UBR1: variants seen among roughly 807,000 people sequenced by gnomAD.
UBR1 encodes E3 ubiquitin-protein ligase UBR1.
Under a neutral mutation model 242.1 loss-of-function variants are expected in UBR1, and 102 were observed. That is an observed-to-expected ratio of 0.42 (90% CI 0.36 to 0.50). UBR1 has a LOEUF of 0.50. Ranked by LOEUF, UBR1 falls within the 20% of genes least tolerant of loss-of-function variation. The probability of loss-of-function intolerance (pLI) is 0.01; values close to 1 mark genes in which losing one functional copy is unlikely to be tolerated. For missense variants in UBR1, 1,772 were observed against 2,101.8 expected (o/e 0.84, Z 3.07); for synonymous variants, 675 against 684.8 (o/e 0.99, Z 0.22).
Position 43,024,822 on chromosome 15 carries a change from A to C in UBR1, c.2739+7T>G. 6.2e-7 allele frequency: 1 copy of C among 1,614,152 alleles called. No individual in the cohort carries two copies. Among genetic ancestry groups the C allele is most frequent in the Non-Finnish European group, 8.5e-7 (1 of 1,180,002 alleles). ...TGATGTAGAGAAAATATTTCAGGTA[A>C]ACAAACCATTTGGAGCATCCCTTCG... On this transcript the variant is annotated splice_region_variant and intron_variant, in intron 25 of 46. Transcript: ENST00000290650.
At chr15:42,981,033 CCT>C (rs372862849) in intron 37 of UBR1, among the ~76,000 whole-genome samples, 42 of 152,196 alleles carry the variant, frequency 2.8e-4, no homozygotes, top group African/African-American at 1.0e-3. Context: ...AAATCTTGCC[CCT>C]GACCCAGCCC....
At chr15:43,067,423 C>T (rs2033768412) in intron 6 of UBR1, among the ~76,000 whole-genome samples, 1 of 152,134 alleles carries the variant, frequency 6.6e-6, no homozygotes, top group Non-Finnish European at 1.5e-5. Flanking sequence ...CACCCAAGGG[C>T]AGGGATGAGG....
At chr15:43,043,596 G>A (rs915644462) in intron 14 of UBR1, among the ~76,000 whole-genome samples, 9 of 152,054 alleles carry the variant, frequency 5.9e-5, no homozygotes, top group Admixed American at 3.9e-4. Flanking sequence ...GACTACAGGC[G>A]CGTGCCACCA....
At chr15:43,036,075 A>G in intron 19 of UBR1, 103 bp downstream of exon 19, 1 of 1,072,466 alleles carries the variant, frequency 9.3e-7, no homozygotes, top group East Asian at 2.6e-5. Flanking sequence ...AACTTAAAGT[A>G]TAATTTTAAA....
intron 1 of UBR1, among the ~76,000 whole-genome samples, chr15:43,089,212 G>C (rs2034078029): frequency 6.6e-6 from 1 of 150,882 alleles, no homozygotes; most frequent in African/African-American, 2.4e-5. Context: ...AATGATGCTG[G>C]CTGGGTGAGG....
At chr15:43,068,592 T>C (rs748530402) in intron 5 of UBR1, among the ~76,000 whole-genome samples, 8 of 151,900 alleles carry the variant, frequency 5.3e-5, no homozygotes, top group Admixed American at 1.3e-4. Context: ...CTTTCAAAAG[T>C]CTCAGTTCAG....
At chr15:43,004,412 C>T (rs1212406981) in intron 30 of UBR1, among the ~76,000 whole-genome samples, 1 of 152,096 alleles carries the variant, frequency 6.6e-6, no homozygotes. Context: ...CCCTCTGATG[C>T]CACCAAAGTT....
Position 43,015,794 on chromosome 15 carries a change from C to A in UBR1, c.3103G>T (p.Ala1035Ser). The A allele has an allele frequency of 6.2e-7, 1 of 1,614,160 alleles. No individual in the cohort carries two copies. Among genetic ancestry groups the A allele is most frequent in the Non-Finnish European group, 8.5e-7 (1 of 1,180,032 alleles). ...AARLHRQKIM[A>S]QMSALQKNFI... ...TTTTTCTGTAAGGCAGACATCTGAG[C>A]CATGATCTTCTGGCGATGTAGCCTA... The change falls in exon 29 of 47, where the codon GCT (alanine) becomes TCT (serine). Residue 1035 changes from alanine to serine, a missense_variant. Ala to Ser is a moderately conservative substitution (Grantham distance 99). This residue lies in a region of UBR1 where 965 missense variants were observed against 1,079.7 expected (regional missense o/e 0.89). Transcript: ENST00000290650.
chr15:42,991,044 G>A (rs913498204), intron 33 of UBR1, among the ~76,000 whole-genome samples: 13 of 151,710 alleles, frequency 8.6e-5, no homozygotes, highest in African/African-American at 3.2e-4. Context: ...GGAGGCCGCA[G>A]TGAGAGGATC....
rs375762522 is a variant in UBR1, at chr15:43,068,089, T to TAA, written c.660-55_660-54dup. Reference sequence around the variant, plus strand: ...GATACTACAACAAATAAAGGAAAAGTAAAAAAAAAAAAAAAAAAGACAAAA... The same window carrying TAA: ...GATACTACAACAAATAAAGGAAAAGTAAAAAAAAAAAAAAAAAAAAGACAAAA... On this transcript the variant is annotated intron_variant, in intron 5 of 46. Coordinates refer to ENST00000290650, the MANE Select transcript of UBR1 (RefSeq NM_174916.3). The TAA allele has an allele frequency of 2.6e-3, 2,028 of 786,534 alleles. 8 individuals carry two copies. The highest frequency in any genetic ancestry group is 0.023 in the African/African-American group (828 of 36,698). The allele number at this position is 786,534 out of a possible 1,614,324, so 48.7% of individuals were successfully genotyped here. A position where few individuals can be genotyped will look rare whatever the true frequency, so the allele number is the denominator to read the frequency against.
chr15:43,024,580 A>G (rs543145952), intron 25 of UBR1, among the ~76,000 whole-genome samples: 1 of 152,234 alleles, frequency 6.6e-6, no homozygotes, highest in Non-Finnish European at 1.5e-5. Context: ...CAACATGTCA[A>G]TTTATTAGCA....
Position 42,952,419 on chromosome 15 carries a change from T to G in UBR1, c.4865A>C (p.Lys1622Thr). Residue 1622 changes from lysine (K) to threonine (T), a missense_variant, in exon 45 of 47, where the codon AAG (lysine) becomes ACG (threonine). Physicochemically the swap from Lys to Thr is moderately conservative, Grantham distance 78. Coordinates refer to ENST00000290650, the MANE Select transcript of UBR1 (RefSeq NM_174916.3). Reference sequence around the variant, plus strand: ...ACAGAAAAGGCAGAGGACAGGATGCTTTCGCTCATCATCTGCAGACCGTGG... The same window carrying G: ...ACAGAAAAGGCAGAGGACAGGATGCGTTCGCTCATCATCTGCAGACCGTGG... ...RCPRSADDER[K>T]HPVLCLFCGA... The G allele has an allele frequency of 6.2e-7, 1 of 1,614,240 alleles. No individual in the cohort carries two copies. The highest frequency in any genetic ancestry group is 1.1e-5 in the South Asian group (1 of 91,086).
chr15:43,097,551 G>C (rs976359423), intron 1 of UBR1, among the ~76,000 whole-genome samples: 3 of 152,236 alleles, frequency 2.0e-5, no homozygotes, highest in Non-Finnish European at 2.9e-5. Context: ...AATCTGTTTA[G>C]TGTAGCCACC....
intron 14 of UBR1, among the ~76,000 whole-genome samples, 189 bp downstream of exon 14, chr15:43,046,972 C>T (rs2033494372): frequency 6.6e-6 from 1 of 152,112 alleles, no homozygotes; most frequent in Non-Finnish European, 1.5e-5. Flanking sequence ...AGCAAAACTA[C>T]CACAGGGCAC....
chr15:42,999,397 G>A (rs1326230873), intron 32 of UBR1, among the ~76,000 whole-genome samples: 2 of 152,216 alleles, frequency 1.3e-5, no homozygotes, highest in Non-Finnish European at 2.9e-5. Flanking sequence ...GCCCCAGTCT[G>A]TCTTCAGCCC....
chr15:42,970,851 T>C (rs1268166929), intron 39 of UBR1, among the ~76,000 whole-genome samples: 3 of 152,130 alleles, frequency 2.0e-5, no homozygotes, highest in Non-Finnish European at 4.4e-5. Context: ...GCTTCCCAAC[T>C]AGCTGGGATT....
intron 32 of UBR1, among the ~76,000 whole-genome samples, chr15:43,000,872 C>T (rs181268875): frequency 3.2e-4 from 48 of 152,228 alleles, no homozygotes; most frequent in African/African-American, 1.0e-3. Context: ...GTAGCTCTGT[C>T]GCCCAGGCTG....
chr15:43,035,024 C>A (rs1309769716), intron 19 of UBR1, among the ~76,000 whole-genome samples: 7 of 151,968 alleles, frequency 4.6e-5, no homozygotes, highest in Non-Finnish European at 8.8e-5. Context: ...GACCAACCAA[C>A]TAGAAAGACC....
intron 29 of UBR1, among the ~76,000 whole-genome samples, chr15:43,009,987 T>G (rs2032895349): frequency 6.6e-6 from 1 of 152,172 alleles, no homozygotes; most frequent in Non-Finnish European, 1.5e-5. Context: ...TCTCCTTGCC[T>G]CGGCCTCTGA....
Sources: gnomAD v4.1 joint callset for allele counts (sites outside exome capture counted in the v4.1 genomes callset) on GRCh38, gnomAD v4.1.1 for gene constraint, gnomAD v4.1.1 regional missense constraint, MANE v1.5 for transcripts, NCBI Gene and HGNC (gene_info 2026-07-23, HGNC 2026-07-21) for gene names.